Variants in WDR49 observed in about 807,000 individuals in gnomAD.
The protein encoded by WDR49 is cilia- and flagella-associated protein 337.
A neutral mutation model predicts 119.5 loss-of-function variants in WDR49; 107 were observed. The observed-to-expected ratio is 0.90, with a 90% CI of 0.77 to 1.05. The LOEUF is 1.05. Ranked by LOEUF, WDR49 falls within the 50% of genes least tolerant of loss-of-function variation. The pLI, the probability that WDR49 is intolerant of heterozygous loss-of-function variation, is 0.00. For missense variants in WDR49, 1,240 were observed against 1,220.5 expected (o/e 1.02, Z -0.24); for synonymous variants, 425 against 418.8 (o/e 1.01, Z -0.18).
intron 18 of WDR49, among the ~76,000 whole-genome samples, chr3:167,489,961 C>A (rs1751069390): frequency 6.6e-6 from 1 of 152,088 alleles, no homozygotes; most frequent in African/African-American, 2.4e-5. Context: ...AATTCCCATG[C>A]AACAGATCTG....
intron 2 of WDR49, among the ~76,000 whole-genome samples, chr3:167,637,307 A>G (rs1717667947): frequency 2.6e-5 from 4 of 151,470 alleles, no homozygotes; most frequent in Admixed American, 2.0e-4. Flanking sequence ...GGCTGTAAGT[A>G]TTTGTCTTTA....
chr3:167,519,722 G>T (rs1752359409), intron 16 of WDR49, among the ~76,000 whole-genome samples: 2 of 152,048 alleles, frequency 1.3e-5, no homozygotes, highest in Admixed American at 6.6e-5. Flanking sequence ...AATAGGTGCA[G>T]CAAACCTCCA....
intron 18 of WDR49, among the ~76,000 whole-genome samples, chr3:167,491,074 C>T (rs1751114879): frequency 2.0e-5 from 3 of 152,084 alleles, no homozygotes; most frequent in Admixed American, 1.3e-4. Context: ...CTGTCCCTTT[C>T]TCCCAGGATC....
intron 18 of WDR49, among the ~76,000 whole-genome samples, chr3:167,493,728 A>T (rs11920745): frequency 0.091 from 13,813 of 152,228 alleles, 662 homozygotes; most frequent in Non-Finnish European, 0.11. Context: ...ATTTTTAAAC[A>T]TGTCTATCAA....
chr3:167,637,300 TGTAA>T (rs1280584795), intron 2 of WDR49, among the ~76,000 whole-genome samples: 2 of 151,886 alleles, frequency 1.3e-5, no homozygotes, highest in Non-Finnish European at 2.9e-5. Context: ...ATCAGTTGGC[TGTAA>T]GTATTTGTCT....
At chr3:167,645,534 A>C (rs1284859800) in intron 2 of WDR49, among the ~76,000 whole-genome samples, 1 of 152,078 alleles carries the variant, frequency 6.6e-6, no homozygotes, top group Non-Finnish European at 1.5e-5. Context: ...TAATACAAGG[A>C]TTGCTAAATA....
chr3:167,643,713 A>G (rs1477137279), intron 2 of WDR49, among the ~76,000 whole-genome samples: 1 of 152,084 alleles, frequency 6.6e-6, no homozygotes, highest in African/African-American at 2.4e-5. Context: ...GCCTATGTCT[A>G]AGCAGATTTT....
chr3:167,551,291 C>T (rs866794414), intron 10 of WDR49, among the ~76,000 whole-genome samples: 2 of 151,792 alleles, frequency 1.3e-5, no homozygotes, highest in Admixed American at 1.3e-4. Flanking sequence ...GTTTCTAACT[C>T]AGGGCTTTCA....
intron 8 of WDR49, among the ~76,000 whole-genome samples, chr3:167,567,318 T>C (rs1713662104): frequency 6.6e-6 from 1 of 152,208 alleles, no homozygotes. Flanking sequence ...TGTTCATTCC[T>C]CTGATTTAGT....
At position 167,602,311 on chromosome 3, in the gene WDR49, T is replaced by C. The variant is rs751011045; in HGVS notation, c.1127-36A>G. ...TTAGAAAGAAAAAAAATGTTTTTAA[T>C]AGCATGAATAGCCCACAGCATTTTC... On this transcript the variant is annotated intron_variant, in intron 6 of 18. Coordinates refer to ENST00000682715, the MANE Select transcript of WDR49 (RefSeq NM_001366157.1). 8 of 1,513,842 alleles carry C rather than the reference T, an allele frequency of 5.3e-6. No individual in the cohort carries two copies. The African/African-American group carries it at 1.1e-4, about 21-fold the overall frequency. 93.8% of individuals were successfully genotyped at this position (1,513,842 alleles called of 1,614,324 possible). A position where few individuals can be genotyped will look rare whatever the true frequency, so the allele number is the denominator to read the frequency against.
intron 2 of WDR49, among the ~76,000 whole-genome samples, chr3:167,635,685 C>A (rs74341677): frequency 0.032 from 4,817 of 151,692 alleles, 190 homozygotes; most frequent in African/African-American, 0.083. Context: ...AGTGGGTTAG[C>A]ATTTCACTGA....
chr3:167,626,931 G>A lies in WDR49; in HGVS notation c.527C>T (p.Thr176Ile), dbSNP rs200481464. ...GGTGGCATCTGAAGTGATGGGGAAT[G>A]TTTCTTGCAGCTTTAAATGCTCTCC... is the stretch of plus-strand genomic sequence containing the variant. ...IWGEHLKLQE[T>I]FPITSDATKL... The change falls in exon 3 of 19, where the codon ACA (threonine) becomes ATA (isoleucine). Residue 176 changes from threonine to isoleucine, a missense_variant. Physicochemically the swap from Thr to Ile is moderately conservative, Grantham distance 89. Transcript: ENST00000682715. The A allele has an allele frequency of 4.0e-4, 518 of 1,303,796 alleles. 1 individual carries two copies. In the South Asian group the frequency reaches 6.4e-3, roughly 16 times the overall value. 80.8% of individuals were successfully genotyped at this position (1,303,796 alleles called of 1,614,324 possible). A position where few individuals can be genotyped will look rare whatever the true frequency, so the allele number is the denominator to read the frequency against.
At chr3:167,607,030 T>C (rs1173327706) in intron 5 of WDR49, among the ~76,000 whole-genome samples, 1 of 152,080 alleles carries the variant, frequency 6.6e-6, no homozygotes, top group South Asian at 2.1e-4. Context: ...CTAATGAAAA[T>C]AGACTGAGTG....
chr3:167,626,249 T>C (rs1262628776), intron 3 of WDR49, among the ~76,000 whole-genome samples: 1 of 152,044 alleles, frequency 6.6e-6, no homozygotes, highest in African/African-American at 2.4e-5. Flanking sequence ...TGAAAATGAT[T>C]GAATACTAGG....
intron 5 of WDR49, 145 bp downstream of exon 5, chr3:167,620,284 G>A: frequency 2.9e-6 from 2 of 682,110 alleles, no homozygotes; most frequent in Non-Finnish European, 4.3e-6. Flanking sequence ...GTATTCAAGG[G>A]ATAGCAGAGT....
rs547522646 is a variant in WDR49, at chr3:167,481,522, A to G, written c.3032-2526T>C. ...ATAAACAGAATGAATTAGAAAAATA[A>G]TAAATGTTGAAGACAGACAAAAAAT... On this transcript the variant is annotated intron_variant, in intron 18 of 18. Transcript: ENST00000682715. 2.0e-5 allele frequency among the ~76,000 whole-genome samples: 3 copies of G among 152,316 alleles called. No homozygotes were observed. In the South Asian group the frequency reaches 6.2e-4, roughly 32 times the overall value.
At chr3:167,534,698 G>T (rs1752963591) in intron 11 of WDR49, among the ~76,000 whole-genome samples, 1 of 152,228 alleles carries the variant, frequency 6.6e-6, no homozygotes, top group South Asian at 2.1e-4. Context: ...ATATGGACTT[G>T]AAAATTTCAT....
chr3:167,579,942 T>C (rs1714450646), intron 7 of WDR49, among the ~76,000 whole-genome samples: 1 of 152,142 alleles, frequency 6.6e-6, no homozygotes, highest in South Asian at 2.1e-4. Context: ...TATAGTTGAA[T>C]ACACATTGAC....
At chr3:167,502,060 T>C (rs569712947) in intron 17 of WDR49, among the ~76,000 whole-genome samples, 7 of 152,250 alleles carry the variant, frequency 4.6e-5, no homozygotes, top group Non-Finnish European at 1.0e-4. Context: ...TCATGAATTG[T>C]TTGGTGCCAT....
Sources: gnomAD v4.1 joint callset for allele counts (sites outside exome capture counted in the v4.1 genomes callset) on GRCh38, gnomAD v4.1.1 for gene constraint, MANE v1.5 for transcripts, NCBI Gene and HGNC (gene_info 2026-07-23, HGNC 2026-07-21) for gene names.